Variants in ZNF438 observed in about 807,000 individuals in gnomAD.
ZNF438 encodes zinc finger protein 438.
Under a neutral mutation model 38.0 loss-of-function variants are expected in ZNF438, and 25 were observed. The observed-to-expected ratio is 0.66, with a 90% CI of 0.48 to 0.92. The LOEUF (loss-of-function observed/expected upper bound fraction) is 0.92. ZNF438 is among the 40% of genes least tolerant of loss of function. The pLI, the probability that ZNF438 is intolerant of heterozygous loss-of-function variation, is 0.00. For missense variants in ZNF438, 1,007 were observed against 999.6 expected (o/e 1.01, Z -0.10); for synonymous variants, 372 against 364.1 (o/e 1.02, Z -0.25).
chr10:30,930,279 T>C (rs899945444), intron 2 of ZNF438, among the ~76,000 whole-genome samples: 9 of 152,092 alleles, frequency 5.9e-5, no homozygotes, highest in Non-Finnish European at 1.5e-5. Context: ...GCTGGCAGTG[T>C]TGGGGGACCC....
chr10:31,017,120 C>T (rs1195661542), intron 1 of ZNF438, among the ~76,000 whole-genome samples: 1 of 152,160 alleles, frequency 6.6e-6, no homozygotes, highest in Non-Finnish European at 1.5e-5. Context: ...ATTAAGTCTT[C>T]CATTCTGAAA....
intron 4 of ZNF438, among the ~76,000 whole-genome samples, chr10:30,869,218 C>T (rs926090679): frequency 5.9e-5 from 9 of 152,026 alleles, no homozygotes; most frequent in Non-Finnish European, 1.5e-5. Context: ...ACTAAAAATA[C>T]AAAAAATTAG....
chr10:30,956,543 C>A (rs1231859866), intron 1 of ZNF438, among the ~76,000 whole-genome samples: 1 of 152,116 alleles, frequency 6.6e-6, no homozygotes, highest in Non-Finnish European at 1.5e-5. Flanking sequence ...CACTTGTTGA[C>A]CAACCTCTCT....
chr10:30,855,169 A>G (rs1431850107), intron 4 of ZNF438, among the ~76,000 whole-genome samples: 1 of 152,198 alleles, frequency 6.6e-6, no homozygotes, highest in African/African-American at 2.4e-5. Flanking sequence ...AAGGGCATTC[A>G]AAGGAAAAGG....
chr10:30,858,347 T>C (rs1467045259), intron 4 of ZNF438, among the ~76,000 whole-genome samples: 2 of 152,226 alleles, frequency 1.3e-5, no homozygotes, highest in African/African-American at 4.8e-5. Flanking sequence ...AGATGGTCTC[T>C]AGTTAAAATA....
At chr10:30,880,429 C>T (rs1588970138) in intron 3 of ZNF438, among the ~76,000 whole-genome samples, 1 of 56,736 alleles carries the variant, frequency 1.8e-5, no homozygotes. Context: ...AAAATTCTAT[C>T]TAAAAAAAAA....
Position 30,977,976 on chromosome 10 carries a change from C to T in ZNF438, c.-191-36325G>A, listed in dbSNP as rs1444266956. Among the ~76,000 whole-genome samples, 5 of 149,386 alleles carry T rather than the reference C, an allele frequency of 3.3e-5. No individual in the cohort carries two copies. The South Asian group carries it at 8.5e-4, about 25-fold the overall frequency. ...CAGGCTGGGTGACAGAGCAAGACTC[C>T]GTCTCCGAAAAAAAAAAAAAGATTC... is the stretch of plus-strand genomic sequence containing the variant. On this transcript the variant is annotated intron_variant, in intron 1 of 5. Coordinates refer to ENST00000413025, the Ensembl canonical transcript of ZNF438.
intron 3 of ZNF438, among the ~76,000 whole-genome samples, chr10:30,896,295 C>CAAAAAAAAAAAAAAAAAAAAAA (rs56673889): frequency 9.3e-6 from 1 of 107,060 alleles, no homozygotes; most frequent in Non-Finnish European, 1.9e-5. Context: ...GACTCCATCT[C>CAAAAAAAAAAAAAAAAAAAAAA]AAAAAAAAAA....
At chr10:30,866,618 A>G (rs948578849) in intron 4 of ZNF438, among the ~76,000 whole-genome samples, 1 of 152,096 alleles carries the variant, frequency 6.6e-6, no homozygotes, top group African/African-American at 2.4e-5. Context: ...GCAGATCACG[A>G]GGTCAGGAGA....
chr10:31,021,635 T>C (rs993041302), intron 1 of ZNF438, among the ~76,000 whole-genome samples: 3 of 152,252 alleles, frequency 2.0e-5, no homozygotes, highest in African/African-American at 7.2e-5. Flanking sequence ...TTTTAGACTA[T>C]GGAAATGATG....
intron 4 of ZNF438, chr10:30,875,607 A>G: frequency 1.0e-6 from 1 of 979,878 alleles, no homozygotes; most frequent in Non-Finnish European, 1.2e-6. Context: ...TATATACCAG[A>G]GAACACTCAA....
chr10:31,010,929 G>C (rs891610023), intron 1 of ZNF438, among the ~76,000 whole-genome samples: 1 of 115,494 alleles, frequency 8.7e-6, no homozygotes, highest in African/African-American at 3.9e-5. Flanking sequence ...AAAAGATTTT[G>C]TTGAGAAGGA....
chr10:30,929,785 G>A (rs1293003286), intron 2 of ZNF438, among the ~76,000 whole-genome samples: 1 of 152,194 alleles, frequency 6.6e-6, no homozygotes, highest in Admixed American at 6.5e-5. Context: ...CAATCCTCCA[G>A]CTAGACATAA....
At chr10:31,030,530 C>T (rs2057219144) in intron 1 of ZNF438, among the ~76,000 whole-genome samples, 1 of 152,224 alleles carries the variant, frequency 6.6e-6, no homozygotes, top group African/African-American at 2.4e-5. Flanking sequence ...AACAGATAAA[C>T]CATCGGCTCT....
At chr10:30,890,284 G>A (rs1294949737) in intron 3 of ZNF438, among the ~76,000 whole-genome samples, 1 of 152,120 alleles carries the variant, frequency 6.6e-6, no homozygotes, top group Non-Finnish European at 1.5e-5. Context: ...GCATTTTTCT[G>A]CCTCAATAAA....
intron 1 of ZNF438, chr10:30,999,622 A>G (rs1036327814): frequency 1.3e-5 from 2 of 152,178 alleles, no homozygotes; most frequent in Non-Finnish European, 2.9e-5. Context: ...GCATTTGTCA[A>G]TCTCCCCCAT....
intron 3 of ZNF438, among the ~76,000 whole-genome samples, chr10:30,879,131 A>G (rs2038877895): frequency 6.6e-6 from 1 of 152,232 alleles, no homozygotes; most frequent in Non-Finnish European, 1.5e-5. Context: ...GCAAGTGAGG[A>G]AACACCCCAA....
chr10:30,954,541 C>T (rs2048649682), intron 1 of ZNF438, among the ~76,000 whole-genome samples: 2 of 152,140 alleles, frequency 1.3e-5, no homozygotes, highest in East Asian at 1.9e-4. Flanking sequence ...AAGAGTATGA[C>T]ACTTAGATTC....
chr10:30,972,057 C>A (rs916029831), intron 1 of ZNF438, among the ~76,000 whole-genome samples: 7 of 151,946 alleles, frequency 4.6e-5, no homozygotes, highest in African/African-American at 1.7e-4. Context: ...GCAAGCTCTG[C>A]CTCCCAGGTT....
Sources: gnomAD v4.1 joint callset for allele counts (sites outside exome capture counted in the v4.1 genomes callset) on GRCh38, gnomAD v4.1.1 for gene constraint, MANE v1.5 for transcripts, NCBI Gene and HGNC (gene_info 2026-07-23, HGNC 2026-07-21) for gene names.